SPTBN1: variants seen among roughly 807,000 people sequenced by gnomAD.
SPTBN1 encodes the protein spectrin beta chain, non-erythrocytic 1.
A neutral mutation model predicts 266.4 loss-of-function variants in SPTBN1; 32 were observed. The observed-to-expected ratio is 0.12, with a 90% confidence interval of 0.09 to 0.16. SPTBN1 has a LOEUF of 0.16. Among genes scored for constraint, SPTBN1 ranks in the 10% least tolerant of loss-of-function variants. SPTBN1 has a pLI of 1.00. For synonymous variants in SPTBN1, 1,336 were observed against 1,162.2 expected, an observed-to-expected ratio of 1.15 and a Z score of -3.04; for missense variants, 2,296 against 3,067.1, an observed-to-expected ratio of 0.75 and a Z score of 5.94.
chr2:54,537,158 C>T (rs1321010225), intron 2 of SPTBN1, among the ~76,000 whole-genome samples: 4 of 152,202 alleles, frequency 2.6e-5, no homozygotes, highest in South Asian at 2.1e-4. Flanking sequence ...ATGGGCCATG[C>T]GCCTCATTCA....
chr2:54,489,200 A>G (rs573884754), intron 1 of SPTBN1, among the ~76,000 whole-genome samples: 1 of 150,468 alleles, frequency 6.6e-6, no homozygotes, highest in South Asian at 2.1e-4. Flanking sequence ...GTGTGCCTAC[A>G]GTCCCACCTA....
Position 54,645,512 on chromosome 2 carries a change from G to A in SPTBN1, c.4494+59G>A. 6.4e-7 allele frequency: 1 copy of A among 1,557,234 alleles called. No individual in the cohort carries two copies. Among genetic ancestry groups the A allele is most frequent in the South Asian group, 1.2e-5 (1 of 85,936 alleles). On this transcript the variant is annotated intron_variant, in intron 21 of 35. Transcript: ENST00000356805. This position sits in a 1 kb window ranked among gnomAD's most constrained non-coding sequence, Gnocchi z 4.3. ...CACGAGCCCCCTTGCCTGTGCTAAA[G>A]CCCACATTCTCACTTCTCAGTCATC...
Position 54,519,457 on chromosome 2 carries a change from A to G in SPTBN1, c.-47-6915A>G, listed in dbSNP as rs1304255511. Among the ~76,000 whole-genome samples, 3 of 152,248 alleles carry G rather than the reference A, an allele frequency of 2.0e-5. No homozygotes were observed. The East Asian group carries it at 5.8e-4, about 29-fold the overall frequency. On this transcript the variant is annotated intron_variant, in intron 1 of 35. Coordinates refer to ENST00000356805, the MANE Select transcript of SPTBN1 (RefSeq NM_003128.3). ...GTGATTTGAGGAGGTTCCTGGATGT[A>G]GTGATACCTGAGCTAGGATTTGCAG...
intron 1 of SPTBN1, among the ~76,000 whole-genome samples, chr2:54,479,976 A>C (rs79758227): frequency 3.9e-4 from 60 of 152,194 alleles, no homozygotes; most frequent in Admixed American, 1.0e-3. Flanking sequence ...GCTTTTAATA[A>C]CATTAATATT....
rs1224663965 is a variant in SPTBN1 at position 54,670,768 on chromosome 2, A to G, written c.*2199A>G. The G allele has an allele frequency of 5.0e-6, 2 of 398,388 alleles. No homozygotes were observed. The highest frequency in any genetic ancestry group is 8.8e-6 in the Non-Finnish European group (2 of 226,068). 24.7% of individuals were successfully genotyped at this position (398,388 alleles called of 1,614,324 possible). On this transcript the variant is annotated 3_prime_UTR_variant, in exon 36 of 36. Transcript: ENST00000356805. Reference sequence around the variant, plus strand: ...TTCGCAGATCTGTAGTTATGAAGCCAGGGTTTGGTGGTATTTGCTCTCTCT... The same window carrying G: ...TTCGCAGATCTGTAGTTATGAAGCCGGGGTTTGGTGGTATTTGCTCTCTCT...
In SPTBN1 at chr2:54,504,960, G is replaced by A. The variant is rs561867501; in HGVS notation, c.-47-21412G>A. Among the ~76,000 whole-genome samples the A allele has an allele frequency of 5.9e-5, 9 of 152,262 alleles. No homozygotes were observed. In the East Asian group the frequency reaches 1.2e-3, roughly 20 times the overall value. On this transcript the variant is annotated intron_variant, in intron 1 of 35. Coordinates refer to ENST00000356805, the MANE Select transcript of SPTBN1 (RefSeq NM_003128.3). ...TGGGGTTGTGAAATCCAATGAAAAC[G>A]TGTATAAATGTTTGTAGAAGAATAC...
chr2:54,484,066 G>T (rs78487390), intron 1 of SPTBN1, among the ~76,000 whole-genome samples: 7 of 152,266 alleles, frequency 4.6e-5, no homozygotes, highest in South Asian at 2.1e-4. Context: ...ATGGTGGTAT[G>T]TGCCTGTGCC....
In SPTBN1 at chr2:54,558,300, T is replaced by C; in HGVS notation, c.148+31734T>C. The stretch of plus-strand genomic sequence containing the variant: ...ATAGCCTGCATTTCTAATACAATGC[T>C]GTTATGCTAATCAGGTGACATCACC... On this transcript the variant is annotated intron_variant, in intron 2 of 35. Transcript: ENST00000356805. The surrounding 1 kb of genome is among the most constrained non-coding windows in gnomAD (Gnocchi z 4.6). The C allele has an allele frequency of 1.0e-6, 1 of 986,920 alleles. No homozygotes were observed. Among genetic ancestry groups the C allele is most frequent in the Middle Eastern group, 5.2e-4 (1 of 1,920 alleles). The allele number at this position is 986,920 out of a possible 1,614,324, so 61.1% of individuals were successfully genotyped here.
chr2:54,625,842 C>T (rs1226384953), intron 11 of SPTBN1, 90 bp from the exon 12 acceptor site: 11 of 1,412,930 alleles, frequency 7.8e-6, no homozygotes, highest in East Asian at 7.5e-5. Flanking sequence ...CTGCCCGCCT[C>T]GGCCTCCCAA....
intron 9 of SPTBN1, among the ~76,000 whole-genome samples, chr2:54,623,125 A>G (rs948432759): frequency 2.0e-5 from 3 of 152,172 alleles, no homozygotes; most frequent in African/African-American, 7.2e-5. Context: ...TCTAAAACCC[A>G]TTGAAAATTA....
intron 1 of SPTBN1, among the ~76,000 whole-genome samples, chr2:54,494,585 A>G (rs1668867625): frequency 6.6e-6 from 1 of 152,260 alleles, no homozygotes; most frequent in Non-Finnish European, 1.5e-5. Flanking sequence ...TATATGTAGC[A>G]ACATCAGTGA....
chr2:54,544,442 G>T (rs1042229039), intron 2 of SPTBN1, among the ~76,000 whole-genome samples: 1 of 152,136 alleles, frequency 6.6e-6, no homozygotes, highest in African/African-American at 2.4e-5. Flanking sequence ...ATGTCAGAGT[G>T]GTTATTGAAC....
Position 54,655,159 on chromosome 2 carries a change from T to C in SPTBN1, c.5912T>C (p.Ile1971Thr). Residue 1971 changes from isoleucine (I) to threonine (T), a missense_variant, in exon 28 of 36, where the codon ATT (isoleucine) becomes ACT (threonine). Around this residue, in one of 12 missense-constraint regions of SPTBN1, gnomAD observed 644 missense variants for 745.3 expected, o/e 0.86. Transcript: ENST00000356805. ...CGTAATGACAGTTTCACAACCTGCA[T>C]TGAACTTGGGAAATCCCTGTTGGCG... is the stretch of plus-strand genomic sequence containing the variant. ...DARNDSFTTC[I>T]ELGKSLLARK... 1.2e-6 allele frequency: 2 copies of C among 1,614,198 alleles called. No homozygotes were observed. Among genetic ancestry groups the C allele is most frequent in the East Asian group, 4.5e-5 (2 of 44,888 alleles).
At chr2:54,499,142 G>A (rs1432175914) in intron 1 of SPTBN1, among the ~76,000 whole-genome samples, 2 of 57,394 alleles carry the variant, frequency 3.5e-5, no homozygotes, top group African/African-American at 2.3e-4. Context: ...TTCTGGAAGG[G>A]ATCGATCTGT....
rs1335161463 is a variant in SPTBN1, at chr2:54,646,445, G to A, written c.4836G>A (p.Glu1612=). Residue 1612 remains glutamate, a synonymous_variant, in exon 23 of 36, where the codon GAG becomes GAA. Coordinates refer to ENST00000356805, the MANE Select transcript of SPTBN1 (RefSeq NM_003128.3). This position sits in a 1 kb window ranked among gnomAD's most constrained non-coding sequence, Gnocchi z 4.4. ...CCGAAGCCTGGATGAGCGAGCAGGAGCTGTACATGATGTCAGAGGAGAAGG... is the reference window on the plus strand; with the variant it reads ...CCGAAGCCTGGATGAGCGAGCAGGAACTGTACATGATGTCAGAGGAGAAGG... ...AEAEAWMSEQ[E]LYMMSEEKAK... The A allele has an allele frequency of 3.2e-6, 5 of 1,571,748 alleles. No homozygotes were observed. Among genetic ancestry groups the A allele is most frequent in the Non-Finnish European group, 4.3e-6 (5 of 1,159,558 alleles).
At position 54,643,134 on chromosome 2, in the gene SPTBN1, G is replaced by A; in HGVS notation, c.4005+5G>A. The A allele has an allele frequency of 6.2e-7, 1 of 1,614,050 alleles. No individual in the cohort carries two copies. The highest frequency in any genetic ancestry group is 8.5e-7 in the Non-Finnish European group (1 of 1,179,956). ...TGGCTTGACAAAATCGAGAAGGTGA[G>A]TTAAAACATTTGATGTGGCCATGGT... is the stretch of plus-strand genomic sequence containing the variant. On this transcript the variant is annotated splice_donor_5th_base_variant and intron_variant, in intron 19 of 35. Transcript: ENST00000356805.
At chr2:54,615,609 C>T (rs1271109748) in intron 4 of SPTBN1, among the ~76,000 whole-genome samples, 2 of 152,188 alleles carry the variant, frequency 1.3e-5, no homozygotes, top group Non-Finnish European at 2.9e-5. Flanking sequence ...AGCTGGGGAA[C>T]CTGCCCAAGG....
At chr2:54,536,061 T>G (rs1474713262) in intron 2 of SPTBN1, among the ~76,000 whole-genome samples, 3 of 152,212 alleles carry the variant, frequency 2.0e-5, no homozygotes, top group Non-Finnish European at 4.4e-5. Flanking sequence ...AGGAAGTTTT[T>G]CATTTCCCCA....
rs35551436 is a variant in SPTBN1 at position 54,507,802 on chromosome 2, CT to C, written c.-47-18556del. Among the ~76,000 whole-genome samples, 782 of 139,732 alleles carry C rather than the reference CT, an allele frequency of 5.6e-3. 1 individual carries two copies. The highest frequency in any genetic ancestry group is 0.01 in the African/African-American group (383 of 38,144). 91.7% of individuals were successfully genotyped at this position (139,732 alleles called of 152,430 possible). A position where few individuals can be genotyped will look rare whatever the true frequency, so the allele number is the denominator to read the frequency against. On this transcript the variant is annotated intron_variant, in intron 1 of 35. Transcript: ENST00000356805. ...TCTTCATTTAAAAATATAGAGTCCCCTTTTTTTTTTTTTTAGCAGTAAGTCG... is the reference window on the plus strand; with the variant it reads ...TCTTCATTTAAAAATATAGAGTCCCCTTTTTTTTTTTTTAGCAGTAAGTCG...
Sources: allele counts gnomAD v4.1 joint callset (sites outside exome capture counted in the v4.1 genomes callset), GRCh38; gene constraint gnomAD v4.1.1; regional missense constraint gnomAD v4.1.1; non-coding constraint Gnocchi (gnomAD v3.1); transcripts MANE v1.5; gene names NCBI Gene and HGNC (gene_info 2026-07-23, HGNC 2026-07-21).